The following RC3H1 variants were observed in gnomAD, a reference collection of about 807,000 sequenced individuals.
RC3H1 encodes the protein roquin-1.
In RC3H1, 50 loss-of-function variants were observed where a neutral mutation model predicts 138.2. That is an observed-to-expected ratio of 0.36 (90% CI 0.29 to 0.46). RC3H1 has a LOEUF of 0.46. RC3H1 is among the 20% of genes least tolerant of loss of function. The probability of loss-of-function intolerance (pLI) is 1.00; values close to 1 mark genes in which losing one functional copy is unlikely to be tolerated. For synonymous variants in RC3H1, 462 were observed against 489.1 expected (o/e 0.94, Z 0.73); for missense variants, 1,031 against 1,388.1 (o/e 0.74, Z 4.09).
At position 173,970,616 on chromosome 1, in the gene RC3H1, G is replaced by A. The variant is rs775738357; in HGVS notation, c.1223C>T (p.Pro408Leu). 1.9e-6 allele frequency: 3 copies of A among 1,605,718 alleles called. No homozygotes were observed. The highest frequency in any genetic ancestry group is 2.6e-6 in the Non-Finnish European group (3 of 1,174,792). Residue 408 changes from proline (P) to leucine (L), a missense_variant and splice_region_variant, in exon 9 of 20, where the codon CCT becomes CTT. Around this residue, in one of 7 missense-constraint regions of RC3H1, gnomAD observed 142 missense variants for 224.6 expected, o/e 0.63. Transcript: ENST00000367696. ...TGTTTTGTATTTGCTATGCTGTGGA[G>A]GCTAAAACCAAAATCAAAACATTAG... The part of the protein sequence containing the change: ...HSKKGADQQQ[P>L]PQHSKYKTYM...
chr1:173,935,758 T>C lies in RC3H1; in HGVS notation c.*2963A>G, dbSNP rs1658555862. The C allele has an allele frequency of 6.6e-6, 1 of 152,180 alleles. No homozygotes were observed. The highest frequency in any genetic ancestry group is 2.1e-4 in the South Asian group (1 of 4,822). 9.4% of individuals were successfully genotyped at this position (152,180 alleles called of 1,614,324 possible). A position where few individuals can be genotyped will look rare whatever the true frequency, so the allele number is the denominator to read the frequency against. ...AACAAATTTTGGGGGTGTTAGTGAATTCCTAAAACCGCTGATGAGCACTAG... is the reference window on the plus strand; with the variant it reads ...AACAAATTTTGGGGGTGTTAGTGAACTCCTAAAACCGCTGATGAGCACTAG... On this transcript the variant is annotated 3_prime_UTR_variant, in exon 20 of 20. Transcript: ENST00000367696.
At chr1:173,966,346 A>T (rs182336074) in intron 9 of RC3H1, among the ~76,000 whole-genome samples, 1 of 152,312 alleles carries the variant, frequency 6.6e-6, no homozygotes, top group Non-Finnish European at 1.5e-5. Flanking sequence ...AATATAAGCC[A>T]TCAGACTCCA....
intron 1 of RC3H1, among the ~76,000 whole-genome samples, chr1:173,999,248 C>T (rs1041073498): frequency 6.6e-6 from 1 of 151,944 alleles, no homozygotes; most frequent in Non-Finnish European, 1.5e-5. Context: ...AATTAGCAGG[C>T]ACATGCCTGT....
chr1:174,008,457 G>A (rs1661689420), intron 1 of RC3H1, among the ~76,000 whole-genome samples: 1 of 152,064 alleles, frequency 6.6e-6, no homozygotes, highest in Admixed American at 6.6e-5. Context: ...GGGGAAGGGA[G>A]GAGGAGGGAG....
At position 173,934,370 on chromosome 1, in the gene RC3H1, A is replaced by G. The variant is rs1322872198; in HGVS notation, c.*4351T>C. 6.6e-6 allele frequency: 1 copy of G among 152,194 alleles called. No homozygotes were observed. Among genetic ancestry groups the G allele is most frequent in the Non-Finnish European group, 1.5e-5 (1 of 68,018 alleles). 9.4% of individuals were successfully genotyped at this position (152,194 alleles called of 1,614,324 possible). On this transcript the variant is annotated 3_prime_UTR_variant, in exon 20 of 20. Coordinates refer to ENST00000367696, the MANE Select transcript of RC3H1 (RefSeq NM_172071.4). ...GGGTGGGCACAAATGCTTATACACAATATTACAAAAGACGACATTCACTGG... is the reference window on the plus strand; with the variant it reads ...GGGTGGGCACAAATGCTTATACACAGTATTACAAAAGACGACATTCACTGG...
intron 2 of RC3H1, among the ~76,000 whole-genome samples, chr1:173,988,730 T>C (rs1249719945): frequency 6.6e-6 from 1 of 152,260 alleles, no homozygotes; most frequent in East Asian, 1.9e-4. Flanking sequence ...ATGTTTTGGA[T>C]TTTGGCCATT....
At chr1:173,956,732 T>C (rs1209944460) in intron 13 of RC3H1, among the ~76,000 whole-genome samples, 1 of 149,200 alleles carries the variant, frequency 6.7e-6, no homozygotes, top group Non-Finnish European at 1.5e-5. Flanking sequence ...TGTACAATTA[T>C]AATGTGTCTA....
At chr1:173,958,559 A>C (rs1659739597) in intron 13 of RC3H1, among the ~76,000 whole-genome samples, 1 of 152,168 alleles carries the variant, frequency 6.6e-6, no homozygotes, top group Non-Finnish European at 1.5e-5. Flanking sequence ...AAACAAAAAA[A>C]AAAAAGTTGG....
rs1329309358 is a variant in RC3H1 at position 173,935,531 on chromosome 1, C to T, written c.*3190G>A. The T allele has an allele frequency of 6.6e-6, 1 of 150,844 alleles. No individual in the cohort carries two copies. Among genetic ancestry groups the T allele is most frequent in the East Asian group, 2.0e-4 (1 of 5,126 alleles). 9.3% of individuals were successfully genotyped at this position (150,844 alleles called of 1,614,324 possible). A position where few individuals can be genotyped will look rare whatever the true frequency, so the allele number is the denominator to read the frequency against. On this transcript the variant is annotated 3_prime_UTR_variant, in exon 20 of 20. Coordinates refer to ENST00000367696, the MANE Select transcript of RC3H1 (RefSeq NM_172071.4). ...AACTAATATTTTAGTAAGTAGAAAA[C>T]ATAAAAACTGTATTTCCTATCTGGT...
At chr1:173,988,594 T>C (rs1661132245) in intron 2 of RC3H1, among the ~76,000 whole-genome samples, 1 of 152,212 alleles carries the variant, frequency 6.6e-6, no homozygotes, top group Admixed American at 6.5e-5. Flanking sequence ...ACTGGGTAAA[T>C]ACCTACTATG....
At chr1:173,958,168 CTTGA>C (rs950465153) in intron 13 of RC3H1, among the ~76,000 whole-genome samples, 3 of 151,428 alleles carry the variant, frequency 2.0e-5, no homozygotes, top group African/African-American at 2.4e-5. Flanking sequence ...AGAAACCTTA[CTTGA>C]TTATTAAAAA....
chr1:173,969,859 C>T (rs1571204622), intron 9 of RC3H1, among the ~76,000 whole-genome samples: 1 of 151,786 alleles, frequency 6.6e-6, no homozygotes, highest in Non-Finnish European at 1.5e-5. Flanking sequence ...CAAAATTTTC[C>T]ACTGGAAATA....
rs371513797 is a variant in RC3H1, at chr1:173,961,819, G to A, written c.2108C>T (p.Ser703Leu). 12 of 1,613,698 alleles carry A rather than the reference G, an allele frequency of 7.4e-6. No individual in the cohort carries two copies. Among genetic ancestry groups the A allele is most frequent in the African/African-American group, 6.7e-5 (5 of 74,904 alleles). The change falls in exon 12 of 20, where the codon TCG becomes TTG. Residue 703 changes from serine to leucine, a missense_variant. Physicochemically the swap from Ser to Leu is moderately radical, Grantham distance 145. Transcript: ENST00000367696. Reference protein sequence around the residue: ...PIEIPPAAVPSYVPESRERYQ... With the variant: ...PIEIPPAAVPLYVPESRERYQ... ...TCTTTCTCTGGATTCTGGTACATAC[G>A]ATGGTACTGCTGCAGGTGGAATCTC...
At chr1:173,999,445 G>C (rs1018856934) in intron 1 of RC3H1, among the ~76,000 whole-genome samples, 14 of 151,972 alleles carry the variant, frequency 9.2e-5, no homozygotes, top group Non-Finnish European at 2.1e-4. Context: ...TACTTGCTTG[G>C]GTCCACCAGC....
intron 11 of RC3H1, 84 bp downstream of exon 11, chr1:173,963,889 T>TA: frequency 9.4e-7 from 1 of 1,068,186 alleles, no homozygotes; most frequent in Non-Finnish European, 1.4e-6. Flanking sequence ...TTAAAGAGGC[T>TA]ACTGTGTAAA....
intron 7 of RC3H1, among the ~76,000 whole-genome samples, chr1:173,975,695 G>A (rs1168879648): frequency 3.3e-5 from 2 of 61,384 alleles, no homozygotes; most frequent in African/African-American, 4.5e-4. Context: ...TCAGGAGATC[G>A]AGACCATCCT....
At chr1:173,992,504 A>G (rs766642125) in intron 2 of RC3H1, among the ~76,000 whole-genome samples, 3 of 152,204 alleles carry the variant, frequency 2.0e-5, no homozygotes, top group Admixed American at 6.5e-5. Flanking sequence ...ACAAGATTAA[A>G]TGGATGTTAC....
intron 9 of RC3H1, among the ~76,000 whole-genome samples, chr1:173,966,835 AG>A (rs1660144722): frequency 6.6e-6 from 1 of 152,218 alleles, no homozygotes; most frequent in Non-Finnish European, 1.5e-5. Context: ...ACTACCCCTC[AG>A]GGGTAATTAT....
At chr1:174,013,201 G>A (rs1661798631) in intron 1 of RC3H1, among the ~76,000 whole-genome samples, 2 of 151,920 alleles carry the variant, frequency 1.3e-5, no homozygotes, top group African/African-American at 4.8e-5. Context: ...AAACAAAATA[G>A]ATAATGCATT....
Sources: gnomAD v4.1 joint callset for allele counts (sites outside exome capture counted in the v4.1 genomes callset) on GRCh38, gnomAD v4.1.1 for gene constraint, gnomAD v4.1.1 regional missense constraint, MANE v1.5 for transcripts, NCBI Gene and HGNC (gene_info 2026-07-23, HGNC 2026-07-21) for gene names.